TXNRD1: variants seen among roughly 807,000 people sequenced by gnomAD.
TXNRD1 encodes thioredoxin reductase 1, cytoplasmic.
TXNRD1 carries 57 observed loss-of-function variants against 80.3 expected under a neutral mutation model. That is an observed-to-expected ratio of 0.71 (90% CI 0.57 to 0.89). TXNRD1 has a LOEUF of 0.89. Ranked by LOEUF, TXNRD1 falls within the 40% of genes least tolerant of loss-of-function variation. The probability of loss-of-function intolerance (pLI) is 0.00; values close to 1 mark genes in which losing one functional copy is unlikely to be tolerated. For synonymous variants in TXNRD1, 291 were observed against 285.2 expected, an observed-to-expected ratio of 1.02 and a Z score of -0.20; for missense variants, 730 against 803.0, an observed-to-expected ratio of 0.91 and a Z score of 1.10.
intron 3 of TXNRD1, among the ~76,000 whole-genome samples, chr12:104,274,507 G>C (rs2033716670): frequency 6.6e-6 from 1 of 151,880 alleles, no homozygotes; most frequent in Admixed American, 6.6e-5. Context: ...AACAGCCTGG[G>C]CAACACGGTG....
In TXNRD1 at chr12:104,318,994, G is replaced by A. The variant is rs200501549; in HGVS notation, c.812G>A (p.Arg271Gln). 59 of 1,613,716 alleles carry A rather than the reference G, an allele frequency of 3.7e-5. No homozygotes were observed. Among genetic ancestry groups the A allele is most frequent in the Admixed American group, 5.0e-5 (3 of 59,992 alleles). Reference sequence around the variant, plus strand: ...AATTGGGGCTACCGAGTAGCTCTGCGGGAGAAAAAAGTCGTCTATGAGAAT... The same window carrying A: ...AATTGGGGCTACCGAGTAGCTCTGCAGGAGAAAAAAGTCGTCTATGAGAAT... Reference protein sequence around the residue: ...SLNWGYRVALREKKVVYENAY... With the variant: ...SLNWGYRVALQEKKVVYENAY... Residue 271 changes from arginine to glutamine, a missense_variant, in exon 8 of 17, where the codon CGG becomes CAG. Arg to Gln is a conservative substitution (Grantham distance 43, BLOSUM62 1). Coordinates refer to ENST00000525566, the MANE Select transcript of TXNRD1 (RefSeq NM_001093771.3).
chr12:104,267,699 T>TTCTTTCTTTCTTTCTTTCTTTCTTTCTC (rs1555209251), intron 3 of TXNRD1, among the ~76,000 whole-genome samples: 9 of 46,406 alleles, frequency 1.9e-4, no homozygotes, highest in East Asian at 1.6e-3. Flanking sequence ...CTTTCTTTCT[T>TTCTTTCTTTCTTTCTTTCTTTCTTTCTC]TCTCTCTTTC....
At chr12:104,333,941 G>A (rs2036047466) in intron 14 of TXNRD1, among the ~76,000 whole-genome samples, 1 of 152,130 alleles carries the variant, frequency 6.6e-6, no homozygotes, top group Non-Finnish European at 1.5e-5. Flanking sequence ...ATGTATGACA[G>A]CAGGTAATTA....
chr12:104,316,811 C>T (rs1294992905), intron 7 of TXNRD1, among the ~76,000 whole-genome samples: 1 of 152,132 alleles, frequency 6.6e-6, no homozygotes, highest in Non-Finnish European at 1.5e-5. Flanking sequence ...ACTCCAACCC[C>T]TATGTGATTT....
chr12:104,313,429 A>G, intron 6 of TXNRD1, 112 bp downstream of exon 6: 1 of 752,788 alleles, frequency 1.3e-6, no homozygotes, highest in Non-Finnish European at 2.1e-6. Flanking sequence ...AGTTAAAGAA[A>G]AAACAGCCCC....
intron 1 of TXNRD1, among the ~76,000 whole-genome samples, chr12:104,217,464 C>T (rs1014414388): frequency 1.1e-4 from 17 of 151,984 alleles, no homozygotes; most frequent in African/African-American, 3.9e-4. Flanking sequence ...GCATGCACCA[C>T]CACGCCTGGC....
intron 4 of TXNRD1, chr12:104,304,898 G>T: frequency 6.2e-7 from 1 of 1,610,708 alleles, no homozygotes; most frequent in Non-Finnish European, 8.5e-7. Context: ...GGCAGCTTTT[G>T]AAATTTCTGA....
At chr12:104,305,258 T>G (rs1316616852) in intron 4 of TXNRD1, 1 of 183,488 alleles carries the variant, frequency 5.4e-6, no homozygotes, top group African/African-American at 2.4e-5. Flanking sequence ...AAATCAGTGA[T>G]GATGCTCTGT....
chr12:104,316,284 G>A (rs1417125892), intron 7 of TXNRD1, among the ~76,000 whole-genome samples: 1 of 139,108 alleles, frequency 7.2e-6, no homozygotes, highest in Non-Finnish European at 1.6e-5. Context: ...GGGGGTGGGG[G>A]TTGTTTGTTC....
intron 4 of TXNRD1, among the ~76,000 whole-genome samples, chr12:104,298,484 G>A (rs1197279029): frequency 6.6e-6 from 1 of 152,104 alleles, no homozygotes; most frequent in Non-Finnish European, 1.5e-5. Context: ...CCAGCACTTT[G>A]GGAGGCTGAG....
intron 1 of TXNRD1, among the ~76,000 whole-genome samples, chr12:104,248,998 G>A (rs1305480698): frequency 2.0e-5 from 3 of 152,130 alleles, no homozygotes; most frequent in Non-Finnish European, 4.4e-5. Flanking sequence ...AATTACAAGC[G>A]AGAAATTACA....
At chr12:104,286,981 G>A (rs1230583835) in intron 3 of TXNRD1, 40 of 1,266,642 alleles carry the variant, frequency 3.2e-5, no homozygotes, top group Non-Finnish European at 3.9e-5. Flanking sequence ...CGCAGGGCGT[G>A]GCTTCTCGTA....
chr12:104,269,031 G>A (rs1470611818), intron 3 of TXNRD1, among the ~76,000 whole-genome samples: 23 of 149,686 alleles, frequency 1.5e-4, no homozygotes, highest in Non-Finnish European at 3.3e-4. Context: ...CAGCCTACTG[G>A]GTAGCTGGGA....
chr12:104,252,660 T>TCATATATATATATATATATA (rs1182730147), intron 2 of TXNRD1, among the ~76,000 whole-genome samples: 1 of 53,206 alleles, frequency 1.9e-5, no homozygotes, highest in African/African-American at 1.1e-4. Context: ...ATTTATTATT[T>TCATATATATATATATATATA]TTTATATATA....
At chr12:104,286,297 C>A (rs1039622617) in intron 3 of TXNRD1, 2 of 152,126 alleles carry the variant, frequency 1.3e-5, no homozygotes, top group Non-Finnish European at 2.9e-5. Flanking sequence ...GCATGGCTCA[C>A]CTTAGTAGCT....
chr12:104,315,175 G>T (rs2035280112), intron 6 of TXNRD1, among the ~76,000 whole-genome samples: 1 of 152,132 alleles, frequency 6.6e-6, no homozygotes, highest in Non-Finnish European at 1.5e-5. Context: ...TACAATGGGG[G>T]ACTACATCCT....
chr12:104,251,826 G>T, intron 2 of TXNRD1, 148 bp downstream of exon 2: 1 of 818,566 alleles, frequency 1.2e-6, no homozygotes, highest in Non-Finnish European at 1.9e-6. Flanking sequence ...AGCACTTTGG[G>T]AGGCCAAGGT....
In TXNRD1 at chr12:104,345,418, C is replaced by T. The variant is rs376283810; in HGVS notation, c.1882-2935C>T. Among the ~76,000 whole-genome samples, 4 of 152,150 alleles carry T rather than the reference C, an allele frequency of 2.6e-5. No individual in the cohort carries two copies. In the East Asian group the frequency reaches 7.7e-4, roughly 29 times the overall value. On this transcript the variant is annotated intron_variant, in intron 16 of 16. Coordinates refer to ENST00000525566, the MANE Select transcript of TXNRD1 (RefSeq NM_001093771.3). The stretch of plus-strand genomic sequence containing the variant: ...TTTGACTCTGAGGAGTAATTACTTA[C>T]AAAAGTTGACAAATTCCTTAGCAAA...
chr12:104,335,200 CTTT>C (rs61316589), intron 15 of TXNRD1, among the ~76,000 whole-genome samples: 66,927 of 123,944 alleles, frequency 0.54, 16,985 homozygotes, highest in East Asian at 0.74. Flanking sequence ...TATTACAGTC[CTTT>C]TTTTTTTTTT....
Sources: gnomAD v4.1 joint callset for allele counts (sites outside exome capture counted in the v4.1 genomes callset) on GRCh38, gnomAD v4.1.1 for gene constraint, MANE v1.5 for transcripts, NCBI Gene and HGNC (gene_info 2026-07-23, HGNC 2026-07-21) for gene names.